KLHL40: variants seen among roughly 807,000 people sequenced by gnomAD.
KLHL40 encodes kelch-like protein 40.
KLHL40 carries 44 observed loss-of-function variants against 49.7 expected under a neutral mutation model. The observed-to-expected ratio is 0.89, with a 90% CI of 0.70 to 1.14. KLHL40 has a LOEUF of 1.14. Among genes scored for constraint, KLHL40 ranks in the 50% most tolerant of loss-of-function variants. The probability of loss-of-function intolerance (pLI) is 0.00; values close to 1 mark genes in which losing one functional copy is unlikely to be tolerated. For synonymous variants in KLHL40, 409 were observed against 365.2 expected, an observed-to-expected ratio of 1.12 and a Z score of -1.37; for missense variants, 892 against 850.3, an observed-to-expected ratio of 1.05 and a Z score of -0.61.
Position 42,692,254 on chromosome 3 carries a change from C to A in KLHL40, c.*261C>A. ...TGATCCATGAACCAGAACCACAGGG[C>A]GGTATCCCAGGCCGTGTGCTGGCCC... On this transcript the variant is annotated 3_prime_UTR_variant, in exon 6 of 6. Transcript: ENST00000287777. The A allele has an allele frequency of 2.0e-6, 1 of 508,000 alleles. No homozygotes were observed. The highest frequency in any genetic ancestry group is 2.6e-5 in the South Asian group (1 of 38,022). 31.5% of individuals were successfully genotyped at this position (508,000 alleles called of 1,614,324 possible). A position where few individuals can be genotyped will look rare whatever the true frequency, so the allele number is the denominator to read the frequency against.
intron 4 of KLHL40, among the ~76,000 whole-genome samples, chr3:42,690,294 A>G (rs1178054965): frequency 6.6e-6 from 1 of 152,192 alleles, no homozygotes; most frequent in East Asian, 1.9e-4. Flanking sequence ...GAGATGGGTG[A>G]GGAAAGTCAC....
rs765778662 is a variant in KLHL40, at chr3:42,691,927, C to T, written c.1800C>T (p.Ile600=). 1.2e-5 allele frequency: 19 copies of T among 1,613,616 alleles called. No homozygotes were observed. Among genetic ancestry groups the T allele is most frequent in the Non-Finnish European group, 1.5e-5 (18 of 1,179,642 alleles). Residue 600 remains isoleucine, a synonymous_variant, in exon 6 of 6, where the codon ATC becomes ATT. Transcript: ENST00000287777. ...AATGGGAGGGTGTCCTGCGGGAGAT[C>T]GCCTATGCAGCAGGTGCCACCTTCC... ...EKKWEGVLRE[I]AYAAGATFLP...
chr3:42,688,963 A>G lies in KLHL40; in HGVS notation c.1516A>G (p.Thr506Ala), dbSNP rs778022582. 5 of 1,614,204 alleles carry G rather than the reference A, an allele frequency of 3.1e-6. No individual in the cohort carries two copies. The South Asian group carries it at 5.5e-5, about 18-fold the overall frequency. ...MQTARSLFGA[T>A]VHDGRIIVAA... ...GACCGCCCGCTCACTCTTTGGGGCC[A>G]CTGTCCATGATGGCCGCATTATCGT... Residue 506 changes from threonine (T) to alanine (A), a missense_variant, in exon 4 of 6, where the codon ACT becomes GCT. Physicochemically the swap from Thr to Ala is moderately conservative, Grantham distance 58 (BLOSUM62 0). Coordinates refer to ENST00000287777, the MANE Select transcript of KLHL40 (RefSeq NM_152393.4). The surrounding 1 kb of genome is among the most constrained non-coding windows in gnomAD (Gnocchi z 4.2).
Position 42,692,241 on chromosome 3 carries a change from C to T in KLHL40, c.*248C>T. Reference sequence around the variant, plus strand: ...CCCTAGGTTGTCTTGATCCATGAACCAGAACCACAGGGCGGTATCCCAGGC... The same window carrying T: ...CCCTAGGTTGTCTTGATCCATGAACTAGAACCACAGGGCGGTATCCCAGGC... On this transcript the variant is annotated 3_prime_UTR_variant, in exon 6 of 6. Transcript: ENST00000287777. 1.9e-6 allele frequency: 1 copy of T among 524,376 alleles called. No individual in the cohort carries two copies. The highest frequency in any genetic ancestry group is 1.9e-5 in the African/African-American group (1 of 52,740). 32.5% of individuals were successfully genotyped at this position (524,376 alleles called of 1,614,324 possible).
Position 42,688,513 on chromosome 3 carries a change from A to G in KLHL40, c.1314-97A>G, listed in dbSNP as rs1340980368. ...CCAGCAATGGATCTGACGCATCTCGAATATGTGTTAGGTGGATGGGCGGAT... is the reference window on the plus strand; with the variant it reads ...CCAGCAATGGATCTGACGCATCTCGGATATGTGTTAGGTGGATGGGCGGAT... On this transcript the variant is annotated intron_variant, in intron 2 of 5. Transcript: ENST00000287777. The surrounding 1 kb of genome is among the most constrained non-coding windows in gnomAD (Gnocchi z 4.2). The G allele has an allele frequency of 9.6e-7, 1 of 1,041,564 alleles. No individual in the cohort carries two copies. Among genetic ancestry groups the G allele is most frequent in the East Asian group, 2.6e-5 (1 of 39,104 alleles). 64.5% of individuals were successfully genotyped at this position (1,041,564 alleles called of 1,614,324 possible).
intron 5 of KLHL40, among the ~76,000 whole-genome samples, 165 bp downstream of exon 5, chr3:42,691,170 G>A (rs940042849): frequency 4.6e-5 from 7 of 152,126 alleles, no homozygotes; most frequent in African/African-American, 9.7e-5. Flanking sequence ...CTGCTTGGCC[G>A]TTTCTCACCA....
chr3:42,690,180 G>C (rs931898951), intron 4 of KLHL40, among the ~76,000 whole-genome samples: 1 of 152,204 alleles, frequency 6.6e-6, no homozygotes, highest in African/African-American at 2.4e-5. Context: ...GAGGGGCCAA[G>C]CTCCCTCAGG....
chr3:42,689,543 T>G (rs1400925282), intron 4 of KLHL40, among the ~76,000 whole-genome samples: 11 of 151,398 alleles, frequency 7.3e-5, no homozygotes, highest in Non-Finnish European at 1.2e-4. Context: ...GGTGGGTGGG[T>G]GATGGAGTTG....
chr3:42,685,734 C>T lies in KLHL40; in HGVS notation c.116C>T (p.Ala39Val). The T allele has an allele frequency of 6.2e-7, 1 of 1,612,944 alleles. No individual in the cohort carries two copies. The highest frequency in any genetic ancestry group is 8.5e-7 in the Non-Finnish European group (1 of 1,179,780). Residue 39 changes from alanine (A) to valine (V), a missense_variant, in exon 1 of 6, where the codon GCG becomes GTG. Physicochemically the swap from Ala to Val is moderately conservative, Grantham distance 64. Transcript: ENST00000287777. Reference protein sequence around the residue: ...HGKFLDCVVRAGEREFPCHRL... With the variant: ...HGKFLDCVVRVGEREFPCHRL... ...AAGTTCCTCGACTGTGTGGTGCGGG[C>T]GGGCGAGCGCGAGTTCCCGTGCCAT...
rs1217018271 is a variant in KLHL40, at chr3:42,685,850, T to TCCCCGGACGTGGTGG, written c.236_250dup (p.Pro79_Ala83dup). ...GGGCGAGCTGCACCTGGAGGAGGTG[T>TCCCCGGACGTGGTGG]CCCCGGACGTGGTGGCCCAGGTGCT... is the stretch of plus-strand genomic sequence containing the variant. On this transcript the variant is annotated inframe_insertion, in exon 1 of 6. Coordinates refer to ENST00000287777, the MANE Select transcript of KLHL40 (RefSeq NM_152393.4). 6.2e-7 allele frequency: 1 copy of TCCCCGGACGTGGTGG among 1,613,224 alleles called. No homozygotes were observed. Among genetic ancestry groups the TCCCCGGACGTGGTGG allele is most frequent in the Non-Finnish European group, 8.5e-7 (1 of 1,179,950 alleles).
Position 42,685,708 on chromosome 3 carries a change from C to A in KLHL40, c.90C>A (p.Gly30=). 6.2e-7 allele frequency: 1 copy of A among 1,613,210 alleles called. No individual in the cohort carries two copies. Among genetic ancestry groups the A allele is most frequent in the African/African-American group, 1.3e-5 (1 of 75,046 alleles). ...QDGLKDMLDH[G]KFLDCVVRAG... ...GGCTCAAAGACATGCTGGACCATGG[C>A]AAGTTCCTCGACTGTGTGGTGCGGG... Residue 30 remains glycine, a synonymous_variant, in exon 1 of 6, where the codon GGC becomes GGA. Transcript: ENST00000287777.
chr3:42,688,396 G>T lies in KLHL40; in HGVS notation c.1313+94G>T. Reference sequence around the variant, plus strand: ...GGGCCTGGGGTGGGATTTGGAGCTAGAGCCTTGTGCTTAGAGTGAAGGTGG... The same window carrying T: ...GGGCCTGGGGTGGGATTTGGAGCTATAGCCTTGTGCTTAGAGTGAAGGTGG... On this transcript the variant is annotated intron_variant, in intron 2 of 5. Coordinates refer to ENST00000287777, the MANE Select transcript of KLHL40 (RefSeq NM_152393.4). This position sits in a 1 kb window ranked among gnomAD's most constrained non-coding sequence, Gnocchi z 4.2. 7.1e-7 allele frequency: 1 copy of T among 1,415,096 alleles called. No individual in the cohort carries two copies. The highest frequency in any genetic ancestry group is 9.8e-7 in the Non-Finnish European group (1 of 1,015,540). The allele number at this position is 1,415,096 out of a possible 1,614,324, so 87.7% of individuals were successfully genotyped here.
intron 4 of KLHL40, among the ~76,000 whole-genome samples, chr3:42,690,039 G>A (rs1697336444): frequency 6.6e-6 from 1 of 152,174 alleles, no homozygotes; most frequent in Non-Finnish European, 1.5e-5. Flanking sequence ...ATAATCATTG[G>A]GATTGGGTAG....
chr3:42,691,528 G>A (rs182405100), intron 5 of KLHL40, among the ~76,000 whole-genome samples: 161 of 152,252 alleles, frequency 1.1e-3, no homozygotes, highest in Admixed American at 2.8e-3. Flanking sequence ...CAGTGCTGCC[G>A]GAGGCTGAGA....
In KLHL40 at chr3:42,686,728, C is replaced by T. The variant is rs201966674; in HGVS notation, c.1110C>T (p.Asn370=). 7 of 1,613,106 alleles carry T rather than the reference C, an allele frequency of 4.3e-6. No homozygotes were observed. The highest frequency in any genetic ancestry group is 2.2e-5 in the East Asian group (1 of 44,864). ...QVFVAGGLFY[N]EDNKEDPMSA... ...TCGTGGCTGGAGGCCTCTTCTACAA[C>T]GAAGACAACAAAGAGGACCCCATGA... The change falls in exon 1 of 6, where the codon AAC becomes AAT. Residue 370 remains asparagine (N), a synonymous_variant. Transcript: ENST00000287777.
Position 42,686,419 on chromosome 3 carries a change from G to A in KLHL40, c.801G>A (p.Thr267=), listed in dbSNP as rs965725905. 6.2e-7 allele frequency: 1 copy of A among 1,613,628 alleles called. No homozygotes were observed. The highest frequency in any genetic ancestry group is 1.3e-5 in the African/African-American group (1 of 74,934). The change falls in exon 1 of 6, where the codon ACG becomes ACA. Residue 267 remains threonine, a synonymous_variant. Coordinates refer to ENST00000287777, the MANE Select transcript of KLHL40 (RefSeq NM_152393.4). ...ATGCACACGAGGGCCGCATCACCAC[G>A]CTGCGGAAGAAAAAGAAGGGGAAGG... The part of the protein sequence containing the change: ...VKDAHEGRIT[T]LRKKKKGKDG...
At chr3:42,687,077 C>T (rs368349133) in intron 1 of KLHL40, among the ~76,000 whole-genome samples, 1 of 152,188 alleles carries the variant, frequency 6.6e-6, no homozygotes, top group Admixed American at 6.5e-5. Flanking sequence ...GCAGCAAGGT[C>T]GGTGTGAGGA....
Position 42,686,757 on chromosome 3 carries a change from C to CA in KLHL40, c.1140dup (p.Tyr381IlefsTer6), listed in dbSNP as rs1452229966. 6.2e-7 allele frequency: 1 copy of CA among 1,609,362 alleles called. No homozygotes were observed. Among genetic ancestry groups the CA allele is most frequent in the Admixed American group, 1.7e-5 (1 of 59,694 alleles). On this transcript the variant is annotated frameshift_variant, in exon 1 of 6. Transcript: ENST00000287777. LOFTEE classifies it high-confidence loss of function. Reference sequence around the variant, plus strand: ...GACAACAAAGAGGACCCCATGAGCGCATACTTCCTGCAGGTGCCTGACCAG... The same window carrying CA: ...GACAACAAAGAGGACCCCATGAGCGCAATACTTCCTGCAGGTGCCTGACCAG...
chr3:42,691,532 G>T (rs1486065079), intron 5 of KLHL40, among the ~76,000 whole-genome samples: 1 of 152,264 alleles, frequency 6.6e-6, no homozygotes, highest in Middle Eastern at 3.4e-3. Flanking sequence ...GCTGCCGGAG[G>T]CTGAGACGTG....
Sources: allele counts gnomAD v4.1 joint callset (sites outside exome capture counted in the v4.1 genomes callset), GRCh38; gene constraint gnomAD v4.1.1; non-coding constraint Gnocchi (gnomAD v3.1); transcripts MANE v1.5; gene names NCBI Gene and HGNC (gene_info 2026-07-23, HGNC 2026-07-21).